Variants in KCTD8 observed in about 807,000 individuals in gnomAD.
The protein encoded by KCTD8 is BTB/POZ domain-containing protein KCTD8.
In KCTD8, 27 loss-of-function variants were observed where a neutral mutation model predicts 31.5. The observed-to-expected ratio is 0.86, with a 90% CI of 0.63 to 1.18. The LOEUF (loss-of-function observed/expected upper bound fraction) is 1.18. KCTD8 is among the 50% of genes most tolerant of loss of function. The pLI, the probability that KCTD8 is intolerant of heterozygous loss-of-function variation, is 0.00. For synonymous variants in KCTD8, 290 were observed against 280.0 expected, an observed-to-expected ratio of 1.04 and a Z score of -0.36; for missense variants, 658 against 647.7, an observed-to-expected ratio of 1.02 and a Z score of -0.17.
chr4:44,176,860 C>CATCTATCTATCTGTCTATCT (rs1553890663), intron 1 of KCTD8, among the ~76,000 whole-genome samples: 4 of 148,360 alleles, frequency 2.7e-5, no homozygotes, highest in Admixed American at 1.4e-4. Context: ...TATATGTCTA[C>CATCTATCTATCTGTCTATCT]ATCTATCTAT....
chr4:44,207,044 T>A (rs1714335897), intron 1 of KCTD8, among the ~76,000 whole-genome samples: 1 of 152,236 alleles, frequency 6.6e-6, no homozygotes, highest in Admixed American at 6.5e-5. Context: ...AGCAACCTAA[T>A]ACTTGGAGAT....
chr4:44,444,808 A>G (rs905810279), intron 1 of KCTD8, among the ~76,000 whole-genome samples: 3 of 137,014 alleles, frequency 2.2e-5, no homozygotes, highest in African/African-American at 8.3e-5. Context: ...GTTGGGGGGG[A>G]ATAACATTGA....
At chr4:44,413,411 C>T (rs899013810) in intron 1 of KCTD8, among the ~76,000 whole-genome samples, 27 of 152,098 alleles carry the variant, frequency 1.8e-4, no homozygotes, top group African/African-American at 4.1e-4. Context: ...TTCCCCTAGA[C>T]GGAAATCTCT....
At chr4:44,220,870 A>C (rs1451052610) in intron 1 of KCTD8, among the ~76,000 whole-genome samples, 1 of 152,146 alleles carries the variant, frequency 6.6e-6, no homozygotes, top group East Asian at 1.9e-4. Context: ...ATTTATTTTT[A>C]CCATAATTCT....
chr4:44,398,785 C>G (rs1720573900), intron 1 of KCTD8, among the ~76,000 whole-genome samples: 1 of 152,082 alleles, frequency 6.6e-6, no homozygotes, highest in African/African-American at 2.4e-5. Context: ...ACGGCATACC[C>G]CACATGGAAG....
chr4:44,247,098 G>A lies in KCTD8; in HGVS notation c.962-71848C>T, dbSNP rs140166652. On this transcript the variant is annotated intron_variant, in intron 1 of 1. Transcript: ENST00000360029. ...CCAAAATAGGACATTACACCTGCCA[G>A]CTGGTCATTGTCACCACCTAAGCGG... Among the ~76,000 whole-genome samples, 365 of 152,086 alleles carry A rather than the reference G, an allele frequency of 2.4e-3. 1 individual carries two copies. Among genetic ancestry groups the A allele is most frequent in the African/African-American group, 8.4e-3 (348 of 41,518 alleles).
At position 44,323,500 on chromosome 4, in the gene KCTD8, A is replaced by ACCC. The variant is rs1296639386; in HGVS notation, c.961+124060_961+124062dup. Among the ~76,000 whole-genome samples the ACCC allele has an allele frequency of 2.2e-3, 184 of 82,078 alleles. 2 individuals are homozygous for ACCC. The highest frequency in any genetic ancestry group is 5.4e-3 in the Middle Eastern group (1 of 184). The allele number at this position is 82,078 out of a possible 152,430, so 53.8% of individuals were successfully genotyped here. ...CAAGAGTGAAACTCCATCCCCACCCACCCCCCCCCAAAAAAAATTAAAAAT... is the reference window on the plus strand; with the variant it reads ...CAAGAGTGAAACTCCATCCCCACCCACCCCCCCCCCCCAAAAAAAATTAAAAAT... On this transcript the variant is annotated intron_variant, in intron 1 of 1. Transcript: ENST00000360029.
At chr4:44,295,411 TA>T (rs1213832145) in intron 1 of KCTD8, among the ~76,000 whole-genome samples, 1 of 152,180 alleles carries the variant, frequency 6.6e-6, no homozygotes, top group African/African-American at 2.4e-5. Flanking sequence ...TAATAGCTCT[TA>T]AATCTAAGAC....
chr4:44,296,995 C>T (rs1717454295), intron 1 of KCTD8, among the ~76,000 whole-genome samples: 2 of 151,992 alleles, frequency 1.3e-5, no homozygotes. Flanking sequence ...CCAATATTAA[C>T]ACTCTATATT....
At chr4:44,241,879 C>G (rs1367971889) in intron 1 of KCTD8, among the ~76,000 whole-genome samples, 1 of 152,192 alleles carries the variant, frequency 6.6e-6, no homozygotes, top group Non-Finnish European at 1.5e-5. Flanking sequence ...ACACAAAATA[C>G]CTGCCTGCTC....
chr4:44,413,930 T>C (rs1296776634), intron 1 of KCTD8, among the ~76,000 whole-genome samples: 2 of 152,160 alleles, frequency 1.3e-5, no homozygotes, highest in African/African-American at 2.4e-5. Context: ...GCTACACTGC[T>C]GGCTTTGATG....
intron 1 of KCTD8, among the ~76,000 whole-genome samples, chr4:44,235,528 TATATATATATATATATATATATATA>T (rs1715253286): frequency 1.1e-4 from 1 of 9,376 alleles, no homozygotes; most frequent in African/African-American, 4.3e-4. Context: ...CACTGGATTA[TATATATATATATATATATATATATA>T]TATATATATA....
At chr4:44,350,872 C>G (rs1719177848) in intron 1 of KCTD8, among the ~76,000 whole-genome samples, 2 of 152,076 alleles carry the variant, frequency 1.3e-5, no homozygotes, top group East Asian at 3.9e-4. Context: ...TTCATTTCTC[C>G]TCCTATGTTC....
chr4:44,410,703 T>C (rs1441093058), intron 1 of KCTD8, among the ~76,000 whole-genome samples: 1 of 152,070 alleles, frequency 6.6e-6, no homozygotes, highest in Non-Finnish European at 1.5e-5. Context: ...AAAAAAGAGC[T>C]TGAGGAGGAA....
rs145813428 is a variant in KCTD8 at position 44,324,980 on chromosome 4, G to A, written c.961+122583C>T. Among the ~76,000 whole-genome samples, 3 of 151,962 alleles carry A rather than the reference G, an allele frequency of 2.0e-5. No homozygotes were observed. In the East Asian group the frequency reaches 5.8e-4, roughly 29 times the overall value. On this transcript the variant is annotated intron_variant, in intron 1 of 1. Transcript: ENST00000360029. ...CAGTGATATAGCTGCCAACTCTATC[G>A]CACACCACTGTTTTAAAGATCAGAT...
chr4:44,441,587 T>C (rs1721812172), intron 1 of KCTD8, among the ~76,000 whole-genome samples: 1 of 152,172 alleles, frequency 6.6e-6, no homozygotes, highest in Admixed American at 6.5e-5. Context: ...ACAGGCATTA[T>C]TTTTCAACGT....
At chr4:44,289,222 A>G (rs545218355) in intron 1 of KCTD8, among the ~76,000 whole-genome samples, 3 of 151,370 alleles carry the variant, frequency 2.0e-5, no homozygotes, top group Admixed American at 2.0e-4. Context: ...TAATTGCATA[A>G]CATTACATAT....
At chr4:44,268,175 C>T (rs1251076277) in intron 1 of KCTD8, among the ~76,000 whole-genome samples, 1 of 152,176 alleles carries the variant, frequency 6.6e-6, no homozygotes, top group Non-Finnish European at 1.5e-5. Flanking sequence ...TCCAGCAACA[C>T]ATCAAAAAGC....
At chr4:44,236,380 G>A (rs1277339278) in intron 1 of KCTD8, among the ~76,000 whole-genome samples, 8 of 152,124 alleles carry the variant, frequency 5.3e-5, no homozygotes, top group African/African-American at 1.9e-4. Context: ...GTGCATAGTG[G>A]TTGTGGCATG....
Sources: allele counts gnomAD v4.1 joint callset (sites outside exome capture counted in the v4.1 genomes callset), GRCh38; gene constraint gnomAD v4.1.1; transcripts MANE v1.5; gene names NCBI Gene and HGNC (gene_info 2026-07-23, HGNC 2026-07-21).